EPB41L3: variants seen among roughly 807,000 people sequenced by gnomAD.
EPB41L3 encodes erythrocyte membrane protein band 4.1 like 3, also known as band 4.1-like protein 3.
In EPB41L3, 57 loss-of-function variants were observed where a neutral mutation model predicts 127.1. The ratio of observed to expected loss-of-function variants is 0.45; its 90% CI spans 0.36 to 0.56. EPB41L3 has a LOEUF of 0.56. Ranked by LOEUF, EPB41L3 falls within the 20% of genes least tolerant of loss-of-function variation. The pLI is 0.00. For missense variants in EPB41L3, 1,273 were observed against 1,372.2 expected, an observed-to-expected ratio of 0.93 and a Z score of 1.14; for synonymous variants, 572 against 549.5, an observed-to-expected ratio of 1.04 and a Z score of -0.57.
At chr18:5,598,224 A>T (rs2094555775) in intron 3 of EPB41L3, among the ~76,000 whole-genome samples, 1 of 152,172 alleles carries the variant, frequency 6.6e-6, no homozygotes, top group East Asian at 1.9e-4. Flanking sequence ...TTCTGAGTGA[A>T]GTTGGATTTT....
chr18:5,480,280 A>G (rs1158601448), intron 2 of EPB41L3, among the ~76,000 whole-genome samples: 3 of 152,196 alleles, frequency 2.0e-5, no homozygotes, highest in Admixed American at 1.3e-4. Context: ...ACATTTTTTA[A>G]AAAAACTTTA....
intron 3 of EPB41L3, among the ~76,000 whole-genome samples, chr18:5,446,352 A>G (rs1473447175): frequency 6.6e-6 from 1 of 152,220 alleles, no homozygotes; most frequent in African/African-American, 2.4e-5. Context: ...CATTTGGAAA[A>G]AAAATTCATC....
chr18:5,627,991 G>A (rs2094941206), intron 1 of EPB41L3, among the ~76,000 whole-genome samples: 1 of 152,206 alleles, frequency 6.6e-6, no homozygotes. Context: ...TGGCCAGTAA[G>A]GGAAAGTGAA....
Position 5,612,747 on chromosome 18 carries a change from G to T in EPB41L3, c.-394-319C>A, listed in dbSNP as rs577908960. ...AATATCTGTTTTCAAACACATTTTT[G>T]TTTTGTTTTTTGAGACGGAGTCTCA... On this transcript the variant is annotated intron_variant, in intron 2 of 21. Transcript: ENST00000545076. 4.6e-5 allele frequency among the ~76,000 whole-genome samples: 7 copies of T among 152,260 alleles called. No individual in the cohort carries two copies. The South Asian group carries it at 1.5e-3, about 32-fold the overall frequency.
intron 1 of EPB41L3, among the ~76,000 whole-genome samples, chr18:5,614,643 T>C (rs957431693): frequency 1.3e-5 from 2 of 151,168 alleles, no homozygotes; most frequent in Non-Finnish European, 3.0e-5. Flanking sequence ...TTATCCATTC[T>C]CAAACCCCTT....
At chr18:5,462,663 C>CA (rs1333927310) in intron 3 of EPB41L3, among the ~76,000 whole-genome samples, 3 of 152,138 alleles carry the variant, frequency 2.0e-5, no homozygotes, top group Admixed American at 2.0e-4. Flanking sequence ...AAGCTGTCCC[C>CA]ACTCCCTACT....
intron 13 of EPB41L3, among the ~76,000 whole-genome samples, chr18:5,415,037 G>C (rs982639698): frequency 6.6e-6 from 1 of 152,220 alleles, no homozygotes; most frequent in Non-Finnish European, 1.5e-5. Context: ...TACTGCAGTT[G>C]AAAGAATCGC....
At position 5,417,645 on chromosome 18, in the gene EPB41L3, T is replaced by C. The variant is rs184098877; in HGVS notation, c.1507-1267A>G. On this transcript the variant is annotated intron_variant, in intron 12 of 22. Transcript: ENST00000341928. Reference sequence around the variant, plus strand: ...CTGACTTGGGGAGAAGTGGTAAATATAGCGACAGAAAGAAAATGCACAAAT... The same window carrying C: ...CTGACTTGGGGAGAAGTGGTAAATACAGCGACAGAAAGAAAATGCACAAAT... Among the ~76,000 whole-genome samples, 411 of 152,178 alleles carry C rather than the reference T, an allele frequency of 2.7e-3. 4 individuals are homozygous for C. The highest frequency in any genetic ancestry group is 9.5e-3 in the African/African-American group (394 of 41,502).
At chr18:5,444,778 A>AT (rs2081255420) in intron 4 of EPB41L3, among the ~76,000 whole-genome samples, 1 of 152,166 alleles carries the variant, frequency 6.6e-6, no homozygotes, top group African/African-American at 2.4e-5. Flanking sequence ...TATGAGCATG[A>AT]TTTTTACATA....
At chr18:5,587,266 C>T (rs1568611907) in intron 3 of EPB41L3, among the ~76,000 whole-genome samples, 1 of 152,060 alleles carries the variant, frequency 6.6e-6, no homozygotes, top group African/African-American at 2.4e-5. Flanking sequence ...AAAAGTTTAG[C>T]TTTTGCACGT....
intron 1 of EPB41L3, among the ~76,000 whole-genome samples, chr18:5,617,479 C>T (rs1313994800): frequency 2.6e-5 from 4 of 152,100 alleles, no homozygotes; most frequent in African/African-American, 2.4e-5. Flanking sequence ...CCACCACACC[C>T]GGCTAATTTT....
chr18:5,493,833 T>G (rs561093217), intron 1 of EPB41L3, among the ~76,000 whole-genome samples: 1 of 152,288 alleles, frequency 6.6e-6, no homozygotes, highest in South Asian at 2.1e-4. Flanking sequence ...CACAAGCCAG[T>G]CAATCCTAGG....
chr18:5,537,551 C>T (rs2093608854), intron 1 of EPB41L3, among the ~76,000 whole-genome samples: 1 of 152,164 alleles, frequency 6.6e-6, no homozygotes, highest in Non-Finnish European at 1.5e-5. Flanking sequence ...AAATATTCTT[C>T]TTCCCTACTC....
At chr18:5,411,433 T>C (rs2076181837) in intron 13 of EPB41L3, among the ~76,000 whole-genome samples, 1 of 152,008 alleles carries the variant, frequency 6.6e-6, no homozygotes, top group Admixed American at 6.5e-5. Context: ...TAGAAACAAA[T>C]AAAACAAAGC....
intron 10 of EPB41L3, among the ~76,000 whole-genome samples, chr18:5,423,882 G>A (rs1373354686): frequency 6.6e-6 from 1 of 152,112 alleles, no homozygotes. Flanking sequence ...ATTTGGTGTT[G>A]GGTGCCTAAT....
At chr18:5,402,038 T>A (rs1313132954) in intron 16 of EPB41L3, among the ~76,000 whole-genome samples, 1 of 152,096 alleles carries the variant, frequency 6.6e-6, no homozygotes, top group Admixed American at 6.5e-5. Context: ...AGTACTACAT[T>A]TAATCATTTG....
upstream of EPB41L3, among the ~76,000 whole-genome samples, chr18:5,546,994 C>G (rs1434692641): frequency 6.6e-6 from 1 of 152,116 alleles, no homozygotes; most frequent in Non-Finnish European, 1.5e-5. Context: ...GGGACTGATT[C>G]CAAAATTCTG....
At chr18:5,420,448 C>A (rs558540118) in intron 11 of EPB41L3, among the ~76,000 whole-genome samples, 5 of 152,264 alleles carry the variant, frequency 3.3e-5, no homozygotes, top group African/African-American at 1.2e-4. Context: ...TGGGTAATAA[C>A]AAATATTAAC....
At chr18:5,497,956 G>A (rs1011573630) in intron 1 of EPB41L3, among the ~76,000 whole-genome samples, 4 of 152,108 alleles carry the variant, frequency 2.6e-5, no homozygotes, top group East Asian at 1.9e-4. Flanking sequence ...AAATTTTAAC[G>A]TGACTATCAC....
Sources: allele counts gnomAD v4.1 joint callset (sites outside exome capture counted in the v4.1 genomes callset), GRCh38; gene constraint gnomAD v4.1.1; transcripts MANE v1.5; gene names NCBI Gene and HGNC (gene_info 2026-07-23, HGNC 2026-07-21).